HECA: variants seen among roughly 807,000 people sequenced by gnomAD.
The protein encoded by HECA is headcase protein homolog.
Under a neutral mutation model 37.6 loss-of-function variants are expected in HECA, and 13 were observed. That is an observed-to-expected ratio of 0.35 (90% CI 0.23 to 0.55). The LOEUF (loss-of-function observed/expected upper bound fraction) is 0.55, where lower values mean the gene tolerates loss of function less well. Among genes scored for constraint, HECA ranks in the 20% least tolerant of loss-of-function variants. HECA has a pLI of 0.90. For synonymous variants in HECA, 307 were observed against 291.5 expected (o/e 1.05, Z -0.54); for missense variants, 527 against 701.9 (o/e 0.75, Z 2.82).
At chr6:139,147,902 AGAC>A (rs1774605062) in intron 1 of HECA, among the ~76,000 whole-genome samples, 1 of 152,244 alleles carries the variant, frequency 6.6e-6, no homozygotes, top group African/African-American at 2.4e-5. Flanking sequence ...CTGCTCCTAC[AGAC>A]GAGGTTTGCC....
At position 139,166,498 on chromosome 6, in the gene HECA, C is replaced by T. The variant is rs1368825827; in HGVS notation, c.486C>T (p.Asn162=). The change falls in exon 2 of 4, where the codon AAC becomes AAT. Residue 162 remains asparagine, a synonymous_variant. Transcript: ENST00000367658. ...GGAACGAGAAGCAATGCCGCCAGAA[C>T]ATGTGGACAAAGAAGGGCTACGACC... ...RSWNEKQCRQ[N]MWTKKGYDLA... is the part of the protein sequence containing the mutation. 6.2e-7 allele frequency: 1 copy of T among 1,614,184 alleles called. No homozygotes were observed. Among genetic ancestry groups the T allele is most frequent in the Non-Finnish European group, 8.5e-7 (1 of 1,180,004 alleles).
intron 3 of HECA, among the ~76,000 whole-genome samples, chr6:139,175,975 A>G (rs1387624955): frequency 6.6e-6 from 1 of 152,258 alleles, no homozygotes; most frequent in Non-Finnish European, 1.5e-5. Context: ...GTTAGACGCT[A>G]CTAATGAATC....
intron 1 of HECA, among the ~76,000 whole-genome samples, chr6:139,136,659 G>A (rs1157477651): frequency 6.7e-6 from 1 of 149,402 alleles, no homozygotes. Context: ...TTTTTTAGAC[G>A]GAGTTTGCAA....
chr6:139,138,843 C>A (rs1317130853), intron 1 of HECA, among the ~76,000 whole-genome samples: 2 of 152,006 alleles, frequency 1.3e-5, no homozygotes, highest in African/African-American at 4.8e-5. Flanking sequence ...TGTAAAAGAC[C>A]ACCCCATCTT....
At position 139,177,075 on chromosome 6, in the gene HECA, T is replaced by G. The variant is rs1208486153; in HGVS notation, c.1602T>G (p.Phe534Leu). The change falls in exon 4 of 4, where the codon TTT becomes TTG. Residue 534 changes from phenylalanine to leucine, a missense_variant. Transcript: ENST00000367658. The surrounding 1 kb of genome is among the most constrained non-coding windows in gnomAD (Gnocchi z 4.9). The stretch of plus-strand genomic sequence containing the variant: ...TGGACTACCACTTCGTGAAGCCATT[T>G]TCCTCCTTCAAAGTTCTCGAAGCTT... The part of the protein sequence containing the change: ...GNLDYHFVKP[F>L]SSFKVLEAY 1 of 862,986 alleles carries G rather than the reference T, an allele frequency of 1.2e-6. No individual in the cohort carries two copies. The highest frequency in any genetic ancestry group is 2.0e-6 in the Non-Finnish European group (1 of 493,468). 53.5% of individuals were successfully genotyped at this position (862,986 alleles called of 1,614,324 possible).
Position 139,166,428 on chromosome 6 carries a change from G to A in HECA, c.416G>A (p.Ser139Asn). The A allele has an allele frequency of 6.2e-7, 1 of 1,614,234 alleles. No individual in the cohort carries two copies. The highest frequency in any genetic ancestry group is 8.5e-7 in the Non-Finnish European group (1 of 1,180,044). Residue 139 changes from serine (S) to asparagine (N), a missense_variant, in exon 2 of 4, where the codon AGC becomes AAC. Around this residue, in one of 4 missense-constraint regions of HECA, gnomAD observed 172 missense variants for 197.6 expected, o/e 0.87. Transcript: ENST00000367658. ...MHLQCFYEWE[S>N]SILVQFNCIG... is the part of the protein sequence containing the mutation. ...CTGCAGTGCTTCTACGAGTGGGAGAGCAGCATCCTCGTCCAGTTCAACTGC... is the reference window on the plus strand; with the variant it reads ...CTGCAGTGCTTCTACGAGTGGGAGAACAGCATCCTCGTCCAGTTCAACTGC...
intron 2 of HECA, among the ~76,000 whole-genome samples, chr6:139,173,114 C>T (rs559489471): frequency 1.3e-5 from 2 of 152,292 alleles, no homozygotes; most frequent in African/African-American, 4.8e-5. Flanking sequence ...TCCTAACATG[C>T]CCCGAGGCCA....
intron 1 of HECA, among the ~76,000 whole-genome samples, chr6:139,150,711 T>C (rs941435690): frequency 2.0e-5 from 3 of 152,080 alleles, no homozygotes; most frequent in African/African-American, 7.2e-5. Context: ...TTTTCCCCTC[T>C]GGTTTGAAAT....
At chr6:139,146,287 A>T (rs1000862737) in intron 1 of HECA, among the ~76,000 whole-genome samples, 1 of 152,224 alleles carries the variant, frequency 6.6e-6, no homozygotes, top group Non-Finnish European at 1.5e-5. Context: ...TTGAAAATGT[A>T]TATTTTTCTC....
At chr6:139,156,122 G>T (rs907921076) in intron 1 of HECA, among the ~76,000 whole-genome samples, 23 of 148,900 alleles carry the variant, frequency 1.5e-4, no homozygotes, top group African/African-American at 5.2e-4. Flanking sequence ...CTTGTTGCTA[G>T]AACTTCTGTA....
At chr6:139,165,807 GGGACA>G (rs1774875768) in intron 1 of HECA, among the ~76,000 whole-genome samples, 1 of 16,888 alleles carries the variant, frequency 5.9e-5, no homozygotes, top group Non-Finnish European at 1.4e-4. Flanking sequence ...TGCACAGTGT[GGGACA>G]TGTGTGGGAC....
At chr6:139,175,289 G>C (rs546461625) in intron 3 of HECA, among the ~76,000 whole-genome samples, 2 of 152,320 alleles carry the variant, frequency 1.3e-5, no homozygotes, top group Non-Finnish European at 2.9e-5. Flanking sequence ...CTCATGGGCA[G>C]GAGAGAAATT....
rs971430593 is a variant in HECA, at chr6:139,135,406, C to G, written c.10C>G (p.Pro4Ala). ...GACGCGAGCGAGCGAGATGCCCAACCCCAAAAACAGCAAAGGCGGCCGCAA... is the reference window on the plus strand; with the variant it reads ...GACGCGAGCGAGCGAGATGCCCAACGCCAAAAACAGCAAAGGCGGCCGCAA... MPN[P>A]KNSKGGRKNK... The change falls in exon 1 of 4, where the codon CCC becomes GCC. Residue 4 changes from proline to alanine, a missense_variant. Pro to Ala is a conservative substitution (Grantham distance 27). Transcript: ENST00000367658. 5.9e-5 allele frequency: 82 copies of G among 1,391,132 alleles called. No homozygotes were observed. Among genetic ancestry groups the G allele is most frequent in the Non-Finnish European group, 7.4e-5 (78 of 1,052,598 alleles). The allele number at this position is 1,391,132 out of a possible 1,614,324, so 86.2% of individuals were successfully genotyped here.
At chr6:139,163,076 C>T (rs1264309113) in intron 1 of HECA, among the ~76,000 whole-genome samples, 1 of 152,204 alleles carries the variant, frequency 6.6e-6, no homozygotes, top group African/African-American at 2.4e-5. Context: ...GAGACAGTGC[C>T]TGGCTCACTG....
At chr6:139,143,067 C>T (rs999108946) in intron 1 of HECA, among the ~76,000 whole-genome samples, 2 of 152,178 alleles carry the variant, frequency 1.3e-5, no homozygotes, top group African/African-American at 4.8e-5. Flanking sequence ...AAAGTAAGAT[C>T]TGGAGTTTTT....
rs369530266 is a variant in HECA at position 139,166,309 on chromosome 6, C to G, written c.297C>G (p.Ile99Met). Reference sequence around the variant, plus strand: ...AAGCCCCATGTGCCACTCCCCTGATCTGCAGCTTCGGTAGGCCGGTGGACC... The same window carrying G: ...AAGCCCCATGTGCCACTCCCCTGATGTGCAGCTTCGGTAGGCCGGTGGACC... ...KNEAPCATPL[I>M]CSFGRPVDLE... Residue 99 changes from isoleucine (I) to methionine (M), a missense_variant, in exon 2 of 4, where the codon ATC (isoleucine) becomes ATG (methionine). By Grantham distance (10) the Ile-to-Met change is conservative. Around this residue, in one of 4 missense-constraint regions of HECA, gnomAD observed 172 missense variants for 197.6 expected, o/e 0.87. Coordinates refer to ENST00000367658, the MANE Select transcript of HECA (RefSeq NM_016217.3). 107 of 1,610,272 alleles carry G rather than the reference C, an allele frequency of 6.6e-5. No homozygotes were observed. Among genetic ancestry groups the G allele is most frequent in the Non-Finnish European group, 8.8e-5 (104 of 1,177,504 alleles).
intron 2 of HECA, among the ~76,000 whole-genome samples, chr6:139,169,170 A>G (rs1774935650): frequency 6.6e-6 from 1 of 151,922 alleles, no homozygotes; most frequent in Non-Finnish European, 1.5e-5. Flanking sequence ...CCGCTACCCT[A>G]TTTTCACTTT....
At chr6:139,169,148 C>G (rs901957338) in intron 2 of HECA, among the ~76,000 whole-genome samples, 15 of 152,064 alleles carry the variant, frequency 9.9e-5, no homozygotes, top group African/African-American at 3.4e-4. Context: ...TGTATTATTT[C>G]TTTGACAATT....
In HECA at chr6:139,180,284, A is replaced by C. The variant is rs1775116367; in HGVS notation, c.*3179A>C. ...TATTTGAACTCTAAAACTAACAGAT[A>C]AGACAGATATGTACCTTATTAGAGC... On this transcript the variant is annotated 3_prime_UTR_variant, in exon 4 of 4. Transcript: ENST00000367658. 1 of 152,512 alleles carries C rather than the reference A, an allele frequency of 6.6e-6. No individual in the cohort carries two copies. 9.4% of individuals were successfully genotyped at this position (152,512 alleles called of 1,614,324 possible).
Sources: allele counts gnomAD v4.1 joint callset (sites outside exome capture counted in the v4.1 genomes callset), GRCh38; gene constraint gnomAD v4.1.1; regional missense constraint gnomAD v4.1.1; non-coding constraint Gnocchi (gnomAD v3.1); transcripts MANE v1.5; gene names NCBI Gene and HGNC (gene_info 2026-07-23, HGNC 2026-07-21).